The following SGCZ variants were observed in gnomAD, a reference collection of about 807,000 sequenced individuals.
The protein encoded by SGCZ is sarcoglycan zeta.
In SGCZ, 40 loss-of-function variants were observed where a neutral mutation model predicts 41.3. That is an observed-to-expected ratio of 0.97 (90% CI 0.75 to 1.26). SGCZ has a LOEUF of 1.26. Among genes scored for constraint, SGCZ ranks in the 50% most tolerant of loss-of-function variants. The pLI, the probability that SGCZ is intolerant of heterozygous loss-of-function variation, is 0.00. For synonymous variants in SGCZ, 206 were observed against 137.5 expected, an observed-to-expected ratio of 1.50 and a Z score of -3.49; for missense variants, 552 against 369.8, an observed-to-expected ratio of 1.49 and a Z score of -4.04.
chr8:14,390,923 AT>A (rs1393981718), intron 2 of SGCZ, among the ~76,000 whole-genome samples: 1 of 152,154 alleles, frequency 6.6e-6, no homozygotes, highest in African/African-American at 2.4e-5. Flanking sequence ...AATCAGAGAA[AT>A]AAAGTTTACA....
At chr8:14,669,163 C>T (rs928957983) in intron 1 of SGCZ, among the ~76,000 whole-genome samples, 4 of 146,364 alleles carry the variant, frequency 2.7e-5, no homozygotes, top group Non-Finnish European at 5.9e-5. Context: ...GGTAAAACCT[C>T]GTCTCTACAA....
chr8:14,644,536 C>A (rs912038742), intron 1 of SGCZ, among the ~76,000 whole-genome samples: 1 of 151,760 alleles, frequency 6.6e-6, no homozygotes, highest in African/African-American at 2.4e-5. Context: ...TTTATCTCTC[C>A]TTCAAAGTCC....
chr8:14,245,320 A>G (rs1477441770), intron 3 of SGCZ, among the ~76,000 whole-genome samples: 1 of 152,116 alleles, frequency 6.6e-6, no homozygotes, highest in Non-Finnish European at 1.5e-5. Context: ...TCTTTGACAA[A>G]CCTGACAAAA....
chr8:14,885,938 G>A (rs1804772926), intron 1 of SGCZ, among the ~76,000 whole-genome samples: 1 of 132,012 alleles, frequency 7.6e-6, no homozygotes, highest in Non-Finnish European at 1.6e-5. Flanking sequence ...TAGAAATTTA[G>A]CATATTTCTG....
chr8:14,768,246 G>C (rs961288511), intron 1 of SGCZ, among the ~76,000 whole-genome samples: 5 of 152,130 alleles, frequency 3.3e-5, no homozygotes, highest in African/African-American at 1.2e-4. Flanking sequence ...TTCTCTAAAA[G>C]AAAACATTGA....
At chr8:14,850,846 T>C (rs2130652641) in intron 1 of SGCZ, among the ~76,000 whole-genome samples, 1 of 152,290 alleles carries the variant, frequency 6.6e-6, no homozygotes, top group Admixed American at 6.5e-5. Flanking sequence ...GTACTTCTCC[T>C]TCCTGCCACC....
intron 4 of SGCZ, among the ~76,000 whole-genome samples, chr8:14,212,174 C>T (rs1298322680): frequency 6.6e-6 from 1 of 152,046 alleles, no homozygotes; most frequent in African/African-American, 2.4e-5. Context: ...ACTAGCATTC[C>T]TAGGATCTTT....
chr8:14,932,056 T>A (rs1799937054), intron 1 of SGCZ, among the ~76,000 whole-genome samples: 1 of 151,978 alleles, frequency 6.6e-6, no homozygotes, highest in African/African-American at 2.4e-5. Flanking sequence ...TATTTATAAT[T>A]GAAATTACAA....
In SGCZ at chr8:14,335,289, T is replaced by C. The variant is rs538239646; in HGVS notation, c.235-11085A>G. On this transcript the variant is annotated intron_variant, in intron 2 of 7. Transcript: ENST00000382080. The stretch of plus-strand genomic sequence containing the variant: ...TCAAGGAGAACCTTTCATGCAGAAA[T>C]GCAATGGGTCATCTCTCAACTGAAT... Among the ~76,000 whole-genome samples, 198 of 152,228 alleles carry C rather than the reference T, an allele frequency of 1.3e-3. 1 individual carries two copies. Among genetic ancestry groups the C allele is most frequent in the Non-Finnish European group, 2.2e-3 (147 of 67,980 alleles).
intron 4 of SGCZ, among the ~76,000 whole-genome samples, chr8:14,209,040 C>T (rs1805709906): frequency 6.6e-6 from 1 of 152,160 alleles, no homozygotes; most frequent in Non-Finnish European, 1.5e-5. Flanking sequence ...TTACCTGGGA[C>T]TTGGCATGTT....
chr8:15,015,239 T>C (rs1281967594), intron 1 of SGCZ, among the ~76,000 whole-genome samples: 1 of 149,974 alleles, frequency 6.7e-6, no homozygotes, highest in East Asian at 1.9e-4. Flanking sequence ...TGAGACTCCA[T>C]CTTAAAAAAA....
intron 2 of SGCZ, among the ~76,000 whole-genome samples, chr8:14,512,416 C>T (rs139484457): frequency 6.6e-6 from 1 of 152,196 alleles, no homozygotes; most frequent in Admixed American, 6.5e-5. Context: ...TCATCCATAG[C>T]TCCTTGTGTA....
chr8:14,233,713 C>T (rs1217098657), intron 4 of SGCZ, among the ~76,000 whole-genome samples: 1 of 150,782 alleles, frequency 6.6e-6, no homozygotes. Flanking sequence ...TGGAAAATAT[C>T]ATCATGTTAT....
intron 1 of SGCZ, among the ~76,000 whole-genome samples, chr8:14,852,643 G>A (rs1339729657): frequency 1.3e-5 from 2 of 152,138 alleles, no homozygotes; most frequent in Admixed American, 1.3e-4. Context: ...GATGCCTATA[G>A]TCTCCCCTAC....
At chr8:14,775,146 A>T (rs1221405133) in intron 1 of SGCZ, among the ~76,000 whole-genome samples, 1 of 152,186 alleles carries the variant, frequency 6.6e-6, no homozygotes, top group Non-Finnish European at 1.5e-5. Context: ...GCTAGGTCTT[A>T]TGCCTCTCAA....
intron 2 of SGCZ, among the ~76,000 whole-genome samples, chr8:14,327,502 T>A (rs973976129): frequency 6.6e-6 from 1 of 152,292 alleles, no homozygotes; most frequent in East Asian, 1.9e-4. Context: ...TGGGAGACTA[T>A]TTCAGAGCAA....
chr8:14,829,341 A>G (rs1802446596), intron 1 of SGCZ, among the ~76,000 whole-genome samples: 1 of 146,554 alleles, frequency 6.8e-6, no homozygotes, highest in African/African-American at 2.7e-5. Flanking sequence ...TCAATTCTTC[A>G]GGGATAGACT....
chr8:14,839,975 T>C (rs1466625341), intron 1 of SGCZ, among the ~76,000 whole-genome samples: 1 of 152,130 alleles, frequency 6.6e-6, no homozygotes. Flanking sequence ...AATCAACTTG[T>C]TTTTTACTTT....
intron 1 of SGCZ, among the ~76,000 whole-genome samples, chr8:15,185,115 C>A (rs1305279942): frequency 6.6e-6 from 1 of 152,060 alleles, no homozygotes; most frequent in Non-Finnish European, 1.5e-5. Context: ...ATCATCAGGG[C>A]AATTTTAATT....
Sources: gnomAD v4.1 joint callset for allele counts (sites outside exome capture counted in the v4.1 genomes callset) on GRCh38, gnomAD v4.1.1 for gene constraint, MANE v1.5 for transcripts, NCBI Gene and HGNC (gene_info 2026-07-23, HGNC 2026-07-21) for gene names.